The following UMPS variants were observed in gnomAD, a reference collection of about 807,000 sequenced individuals.
UMPS encodes the protein uridine monophosphate synthetase, also known as uridine 5'-monophosphate synthase.
A neutral mutation model predicts 38.9 loss-of-function variants in UMPS; 21 were observed. The observed-to-expected ratio is 0.54, with a 90% CI of 0.38 to 0.78. The LOEUF (loss-of-function observed/expected upper bound fraction) is 0.78, where lower values mean the gene tolerates loss of function less well. UMPS is among the 30% of genes least tolerant of loss of function. The pLI is 0.00. For missense variants in UMPS, 533 were observed against 591.6 expected, an observed-to-expected ratio of 0.90 and a Z score of 1.03; for synonymous variants, 208 against 219.3, an observed-to-expected ratio of 0.95 and a Z score of 0.45.
chr3:124,736,301 G>A (rs939017038), intron 2 of UMPS, among the ~76,000 whole-genome samples: 7 of 152,084 alleles, frequency 4.6e-5, no homozygotes, highest in Non-Finnish European at 8.8e-5. Flanking sequence ...CTTAATGATA[G>A]TAAGGAATTA....
chr3:124,737,676 A>T lies in UMPS; in HGVS notation c.419A>T (p.Gln140Leu), dbSNP rs763032152. The change falls in exon 3 of 6, where the codon CAG (glutamine) becomes CTG (leucine). Residue 140 changes from glutamine to leucine, a missense_variant. Gln to Leu is a moderately radical substitution (Grantham distance 113). Coordinates refer to ENST00000232607, the MANE Select transcript of UMPS (RefSeq NM_000373.4). ...SSVLETVEVL[Q>L]KEGLKVTDAI... ...GTTTTGGAAACTGTTGAGGTTCTTCAGAAGGAGGGCTTGAAGGTCACTGAT... is the reference window on the plus strand; with the variant it reads ...GTTTTGGAAACTGTTGAGGTTCTTCTGAAGGAGGGCTTGAAGGTCACTGAT... 3.7e-6 allele frequency: 6 copies of T among 1,614,214 alleles called. No individual in the cohort carries two copies. The Admixed American group carries it at 1.0e-4, about 27-fold the overall frequency.
rs1339507661 is a variant in UMPS, at chr3:124,747,759, A to G, written c.*3675A>G. On this transcript the variant is annotated 3_prime_UTR_variant, in exon 6 of 6. Coordinates refer to ENST00000232607, the MANE Select transcript of UMPS (RefSeq NM_000373.4). ...AGGAAGACAAAAACTGGGCTCCACCAGGAACCAGTCTTCTGCCTTCCCAAC... is the reference window on the plus strand; with the variant it reads ...AGGAAGACAAAAACTGGGCTCCACCGGGAACCAGTCTTCTGCCTTCCCAAC... The G allele has an allele frequency of 4.4e-6, 2 of 451,858 alleles. No homozygotes were observed. Among genetic ancestry groups the G allele is most frequent in the Non-Finnish European group, 8.9e-6 (2 of 224,782 alleles). 28.0% of individuals were successfully genotyped at this position (451,858 alleles called of 1,614,324 possible). A position where few individuals can be genotyped will look rare whatever the true frequency, so the allele number is the denominator to read the frequency against.
intron 4 of UMPS, 143 bp downstream of exon 4, chr3:124,740,342 A>G: frequency 1.3e-6 from 1 of 760,140 alleles, no homozygotes. Context: ...TATTAATACT[A>G]GTTGGATAGA....
rs764112218 is a variant in UMPS at position 124,746,888 on chromosome 3, G to T, written c.*2804G>T. On this transcript the variant is annotated 3_prime_UTR_variant, in exon 6 of 6. Transcript: ENST00000232607. ...GCTCCCAAAGTGTAGCTCCAGAATC[G>T]TAAAGGGATATGCTCAGTCTCACAG... 1 of 452,654 alleles carries T rather than the reference G, an allele frequency of 2.2e-6. No homozygotes were observed. The allele number at this position is 452,654 out of a possible 1,614,324, so 28.0% of individuals were successfully genotyped here.
rs537946206 is a variant in UMPS, at chr3:124,734,442, C to T, written c.157-651C>T. On this transcript the variant is annotated intron_variant, in intron 1 of 5. Coordinates refer to ENST00000232607, the MANE Select transcript of UMPS (RefSeq NM_000373.4). ...AAAGATGATAGGTTTAGATACTCAG[C>T]CTAATGGGTTACTGAGGAAACCAGG... Among the ~76,000 whole-genome samples, 11 of 152,278 alleles carry T rather than the reference C, an allele frequency of 7.2e-5. No homozygotes were observed. The East Asian group carries it at 2.1e-3, about 29-fold the overall frequency.
At chr3:124,732,284 T>C (rs888208198) in intron 1 of UMPS, among the ~76,000 whole-genome samples, 1 of 152,170 alleles carries the variant, frequency 6.6e-6, no homozygotes, top group Non-Finnish European at 1.5e-5. Flanking sequence ...GAAAGGGGAG[T>C]TGAATTTTGC....
Position 124,735,294 on chromosome 3 carries a change from C to T in UMPS, c.310+48C>T, listed in dbSNP as rs761228026. On this transcript the variant is annotated intron_variant, in intron 2 of 5. Transcript: ENST00000232607. ...CATGAAGTTAATTAATCTGTAACAT[C>T]ATACTCTTAGAATTTTTCCGCTTCT... 13 of 1,551,514 alleles carry T rather than the reference C, an allele frequency of 8.4e-6. No individual in the cohort carries two copies. In the African/African-American group the frequency reaches 1.8e-4, roughly 21 times the overall value.
chr3:124,735,052 A>T (rs1470974956), intron 1 of UMPS, 41 bp from the exon 2 acceptor site: 3 of 1,540,094 alleles, frequency 1.9e-6, no homozygotes, highest in Non-Finnish European at 2.7e-6. Context: ...AAAATAAAAT[A>T]GTTACAATAA....
rs1314249187 is a variant in UMPS at position 124,745,473 on chromosome 3, C to T, written c.*1389C>T. ...CTGCCTCTCTGGTTCAAGCAGTTCT[C>T]CTGCCTCAGCCTCCCGAGTAGCTGG... is the stretch of plus-strand genomic sequence containing the variant. On this transcript the variant is annotated 3_prime_UTR_variant, in exon 6 of 6. Transcript: ENST00000232607. 8.8e-6 allele frequency: 4 copies of T among 453,924 alleles called. No homozygotes were observed. The highest frequency in any genetic ancestry group is 1.8e-5 in the Non-Finnish European group (4 of 226,778). The allele number at this position is 453,924 out of a possible 1,614,324, so 28.1% of individuals were successfully genotyped here. A position where few individuals can be genotyped will look rare whatever the true frequency, so the allele number is the denominator to read the frequency against.
rs1317720611 is a variant in UMPS, at chr3:124,746,426, G to A, written c.*2342G>A. The A allele has an allele frequency of 4.4e-6, 2 of 454,130 alleles. No homozygotes were observed. Among genetic ancestry groups the A allele is most frequent in the Non-Finnish European group, 8.8e-6 (2 of 226,796 alleles). The allele number at this position is 454,130 out of a possible 1,614,324, so 28.1% of individuals were successfully genotyped here. On this transcript the variant is annotated 3_prime_UTR_variant, in exon 6 of 6. Transcript: ENST00000232607. The stretch of plus-strand genomic sequence containing the variant: ...TATTGTGAAGAGTCAGCCCAGTACT[G>A]CAGGCCTCTTACCTAAGCAGAATCC...
chr3:124,743,655 AAAAT>A (rs577181855), intron 5 of UMPS, among the ~76,000 whole-genome samples: 52 of 151,626 alleles, frequency 3.4e-4, no homozygotes, highest in South Asian at 4.2e-4. Flanking sequence ...TAAATAAATA[AAAAT>A]AAATAAATAA....
chr3:124,736,490 A>G (rs2063519455), intron 2 of UMPS, among the ~76,000 whole-genome samples: 1 of 151,750 alleles, frequency 6.6e-6, no homozygotes, highest in Admixed American at 6.6e-5. Flanking sequence ...TTTTTTTGAG[A>G]CAAGGTCTCA....
At chr3:124,739,593 C>T (rs1448046744) in intron 3 of UMPS, among the ~76,000 whole-genome samples, 1 of 152,216 alleles carries the variant, frequency 6.6e-6, no homozygotes, top group Non-Finnish European at 1.5e-5. Flanking sequence ...CTCAGCCTCC[C>T]AAAGTACTGG....
At chr3:124,743,055 T>A (rs1470244492) in intron 5 of UMPS, among the ~76,000 whole-genome samples, 1 of 152,170 alleles carries the variant, frequency 6.6e-6, no homozygotes, top group Non-Finnish European at 1.5e-5. Flanking sequence ...TAAATAAGGC[T>A]GGGTGCGGGG....
chr3:124,746,765 G>GTGTGTA lies in UMPS; in HGVS notation c.*2686_*2687insATGTGT. 6.4e-6 allele frequency: 1 copy of GTGTGTA among 156,518 alleles called. No individual in the cohort carries two copies. The highest frequency in any genetic ancestry group is 2.8e-4 in the East Asian group (1 of 3,566). 9.7% of individuals were successfully genotyped at this position (156,518 alleles called of 1,614,324 possible). A position where few individuals can be genotyped will look rare whatever the true frequency, so the allele number is the denominator to read the frequency against. On this transcript the variant is annotated 3_prime_UTR_variant, in exon 6 of 6. Coordinates refer to ENST00000232607, the MANE Select transcript of UMPS (RefSeq NM_000373.4). ...ACATAAGCCCATAGATTGTGTGTGT[G>GTGTGTA]TGTGTGTGTGTGTGTGTGTGTGTGT...
intron 2 of UMPS, among the ~76,000 whole-genome samples, chr3:124,736,175 A>T (rs2063516949): frequency 6.6e-6 from 1 of 151,940 alleles, no homozygotes; most frequent in Non-Finnish European, 1.5e-5. Context: ...AGGCAGGAGG[A>T]TGCCTTGAGC....
rs1202621240 is a variant in UMPS, at chr3:124,748,198, A to T, written c.*4114A>T. The T allele has an allele frequency of 4.4e-6, 2 of 452,938 alleles. No homozygotes were observed. The highest frequency in any genetic ancestry group is 4.7e-5 in the Admixed American group (2 of 42,426). The allele number at this position is 452,938 out of a possible 1,614,324, so 28.1% of individuals were successfully genotyped here. A position where few individuals can be genotyped will look rare whatever the true frequency, so the allele number is the denominator to read the frequency against. ...TCCTGCCTTGGCTTCCCAAAGTGCT[A>T]GGATTACAGGTGTGAGCCACTGCTC... is the stretch of plus-strand genomic sequence containing the variant. On this transcript the variant is annotated 3_prime_UTR_variant, in exon 6 of 6. Transcript: ENST00000232607.
At chr3:124,742,675 C>A in intron 5 of UMPS, 1 of 175,598 alleles carries the variant, frequency 5.7e-6, no homozygotes, top group Non-Finnish European at 1.2e-5. Context: ...AGATAATAAG[C>A]CATTTAACAG....
intron 1 of UMPS, chr3:124,731,484 AT>A: frequency 2.3e-6 from 1 of 440,578 alleles, no homozygotes; most frequent in Non-Finnish European, 4.6e-6. Flanking sequence ...TTGTGTTATT[AT>A]TTTATTTATT....
Sources: allele counts gnomAD v4.1 joint callset (sites outside exome capture counted in the v4.1 genomes callset), GRCh38; gene constraint gnomAD v4.1.1; transcripts MANE v1.5; gene names NCBI Gene and HGNC (gene_info 2026-07-23, HGNC 2026-07-21).